STC2: variants seen among roughly 807,000 people sequenced by gnomAD.
The protein encoded by STC2 is stanniocalcin 2, also known as stanniocalcin-2.
In STC2, 7 loss-of-function variants were observed where a neutral mutation model predicts 22.7. That is an observed-to-expected ratio of 0.31 (90% confidence interval 0.18 to 0.58). STC2 has a LOEUF of 0.58. Ranked by LOEUF, STC2 falls within the 20% of genes least tolerant of loss-of-function variation. STC2 has a pLI of 0.89. For missense variants in STC2, 336 were observed against 406.2 expected, an observed-to-expected ratio of 0.83 and a Z score of 1.48; for synonymous variants, 158 against 163.4, an observed-to-expected ratio of 0.97 and a Z score of 0.25.
In STC2 at chr5:173,317,757, C is replaced by A; in HGVS notation, c.*90G>T. The A allele has an allele frequency of 1.4e-6, 2 of 1,448,982 alleles. No homozygotes were observed. Among genetic ancestry groups the A allele is most frequent in the Non-Finnish European group, 1.8e-6 (2 of 1,087,754 alleles). 89.8% of individuals were successfully genotyped at this position (1,448,982 alleles called of 1,614,324 possible). On this transcript the variant is annotated 3_prime_UTR_variant, in exon 4 of 4. Coordinates refer to ENST00000265087, the MANE Select transcript of STC2 (RefSeq NM_003714.3). ...CCCCACAGAATCCTGCGTGTGACAT[C>A]CCCCCTCTCTAATGGTAAATGTTTT...
rs1156246996 is a variant in STC2 at position 173,328,047 on chromosome 5, A to G, written c.147T>C (p.Asn49=). Residue 49 remains asparagine, a synonymous_variant, in exon 1 of 4, where the codon AAT becomes AAC. Transcript: ENST00000265087. ...SQQKGRLSLQ[N]TAEIQHCLVN... ...TGCGGGGGCACATGCACTTACCTGT[A>G]TTCTGCAGGGACAGGCGGCCTTTCT... 1.9e-6 allele frequency: 3 copies of G among 1,574,010 alleles called. No individual in the cohort carries two copies. Among genetic ancestry groups the G allele is most frequent in the Non-Finnish European group, 2.6e-6 (3 of 1,160,518 alleles).
Position 173,323,542 on chromosome 5 carries a change from G to C in STC2, c.295-112C>G, listed in dbSNP as rs1409609192. ...CTTACACAGGATATTTCTGACATCA[G>C]AACCCCAAGGCCCCACCAGAGACGG... On this transcript the variant is annotated intron_variant, in intron 2 of 3. Coordinates refer to ENST00000265087, the MANE Select transcript of STC2 (RefSeq NM_003714.3). The surrounding 1 kb of genome is among the most constrained non-coding windows in gnomAD (Gnocchi z 5.4). 9.5e-7 allele frequency: 1 copy of C among 1,053,548 alleles called. No homozygotes were observed. The highest frequency in any genetic ancestry group is 1.4e-6 in the Non-Finnish European group (1 of 721,364). 65.3% of individuals were successfully genotyped at this position (1,053,548 alleles called of 1,614,324 possible). A position where few individuals can be genotyped will look rare whatever the true frequency, so the allele number is the denominator to read the frequency against.
At chr5:173,321,914 C>A (rs1406277026) in intron 3 of STC2, among the ~76,000 whole-genome samples, 2 of 152,224 alleles carry the variant, frequency 1.3e-5, no homozygotes, top group African/African-American at 4.8e-5. Context: ...TTTTGTAAGG[C>A]GTTAGCCTAA....
Position 173,328,319 on chromosome 5 carries a change from C to T in STC2, c.-126G>A. ...CTCTTCCTTTTTGCTCGCCTTTTCC[C>T]TCCTCCTCGCGGCCGCGGCTCGGAT... On this transcript the variant is annotated 5_prime_UTR_variant, in exon 1 of 4. Transcript: ENST00000265087. 9.0e-7 allele frequency: 1 copy of T among 1,114,574 alleles called. No homozygotes were observed. The highest frequency in any genetic ancestry group is 1.2e-6 in the Non-Finnish European group (1 of 837,226). 69.0% of individuals were successfully genotyped at this position (1,114,574 alleles called of 1,614,324 possible). A position where few individuals can be genotyped will look rare whatever the true frequency, so the allele number is the denominator to read the frequency against.
At position 173,326,012 on chromosome 5, in the gene STC2, TA is replaced by T. The variant is rs779025975; in HGVS notation, c.152-3del. On this transcript the variant is annotated splice_polypyrimidine_tract_variant and splice_region_variant and intron_variant, in intron 1 of 3. Transcript: ENST00000265087. ...TGACCAAACAGTGCTGGATCTCCGC[TA>T]AAAGGAAAATCACATACAAATATAT... 3.1e-6 allele frequency: 5 copies of T among 1,613,960 alleles called. No individual in the cohort carries two copies. The Admixed American group carries it at 5.0e-5, about 16-fold the overall frequency.
chr5:173,321,530 C>T (rs1762485229), intron 3 of STC2, among the ~76,000 whole-genome samples: 1 of 152,176 alleles, frequency 6.6e-6, no homozygotes, highest in African/African-American at 2.4e-5. Context: ...ACAAGAAGCC[C>T]ACCACATGTG....
Position 173,317,120 on chromosome 5 carries a change from A to T in STC2, c.*727T>A, listed in dbSNP as rs921644178. On this transcript the variant is annotated 3_prime_UTR_variant, in exon 4 of 4. Transcript: ENST00000265087. ...GATATGTAGATATAACTGGATAAAT[A>T]AAAAAAGTGAAATCGAGATTTGAAG... The T allele has an allele frequency of 6.6e-6, 1 of 152,476 alleles. No individual in the cohort carries two copies. Among genetic ancestry groups the T allele is most frequent in the African/African-American group, 2.4e-5 (1 of 41,386 alleles). 9.4% of individuals were successfully genotyped at this position (152,476 alleles called of 1,614,324 possible).
intron 1 of STC2, among the ~76,000 whole-genome samples, chr5:173,327,409 C>T (rs1268210607): frequency 6.6e-6 from 1 of 152,250 alleles, no homozygotes; most frequent in Non-Finnish European, 1.5e-5. Flanking sequence ...GCGCACGGTT[C>T]GGGTCGTGTC....
chr5:173,326,122 A>G (rs1762543687), intron 1 of STC2, 112 bp from the exon 2 acceptor site: 2 of 1,279,102 alleles, frequency 1.6e-6, no homozygotes, highest in Admixed American at 4.3e-5. Flanking sequence ...AAGGAGGAAA[A>G]AAGACTTAGT....
In STC2 at chr5:173,315,875, G is replaced by T. The variant is rs547404327; in HGVS notation, c.*1972C>A. ...TGGGTGCCCAGGGAGCCCGGTGGCG[G>T]GGGCTGGAGGTGGGGTTTCCTCCCT... On this transcript the variant is annotated 3_prime_UTR_variant, in exon 4 of 4. Coordinates refer to ENST00000265087, the MANE Select transcript of STC2 (RefSeq NM_003714.3). The T allele has an allele frequency of 6.6e-6, 1 of 152,422 alleles. No individual in the cohort carries two copies. Among genetic ancestry groups the T allele is most frequent in the African/African-American group, 2.4e-5 (1 of 41,590 alleles). The allele number at this position is 152,422 out of a possible 1,614,324, so 9.4% of individuals were successfully genotyped here.
intron 3 of STC2, among the ~76,000 whole-genome samples, chr5:173,321,116 T>G (rs1762479447): frequency 6.7e-6 from 1 of 148,910 alleles, no homozygotes; most frequent in African/African-American, 2.5e-5. Flanking sequence ...CAGGCTGGGG[T>G]GGGGGGTCAT....
In STC2 at chr5:173,323,245, G is replaced by C; in HGVS notation, c.480C>G (p.Ile160Met). 6 of 1,614,194 alleles carry C rather than the reference G, an allele frequency of 3.7e-6. No individual in the cohort carries two copies. Among genetic ancestry groups the C allele is most frequent in the Non-Finnish European group, 5.1e-6 (6 of 1,180,040 alleles). ...CGTGCAGCAGCAAGTCCTTGAAATG[G>C]ATCATCTCCACTATCACCCGGGTGT... ...QENTRVIVEM[I>M]HFKDLLLHEP... Residue 160 changes from isoleucine (I) to methionine (M), a missense_variant, in exon 3 of 4, where the codon ATC becomes ATG. Around this residue, in one of 3 missense-constraint regions of STC2, gnomAD observed 215 missense variants for 231.5 expected, o/e 0.93. Transcript: ENST00000265087. This position sits in a 1 kb window ranked among gnomAD's most constrained non-coding sequence, Gnocchi z 5.4.
chr5:173,325,080 T>A lies in STC2; in HGVS notation c.294+788A>T, dbSNP rs1373839930. On this transcript the variant is annotated intron_variant, in intron 2 of 3. Transcript: ENST00000265087. This position sits in a 1 kb window ranked among gnomAD's most constrained non-coding sequence, Gnocchi z 4.7. ...TGATGGCCACCTCCAAATGTTGGCA[T>A]TGCTCTCCAATGAAGCAGGAGAGAC... 6.6e-6 allele frequency among the ~76,000 whole-genome samples: 1 copy of A among 152,220 alleles called. No homozygotes were observed. Among genetic ancestry groups the A allele is most frequent in the Non-Finnish European group, 1.5e-5 (1 of 68,038 alleles).
rs1432851126 is a variant in STC2 at position 173,325,762 on chromosome 5, C to T, written c.294+106G>A. The T allele has an allele frequency of 6.5e-5, 98 of 1,516,760 alleles. No homozygotes were observed. Among genetic ancestry groups the T allele is most frequent in the Non-Finnish European group, 8.8e-5 (97 of 1,106,892 alleles). 94.0% of individuals were successfully genotyped at this position (1,516,760 alleles called of 1,614,324 possible). A position where few individuals can be genotyped will look rare whatever the true frequency, so the allele number is the denominator to read the frequency against. On this transcript the variant is annotated intron_variant, in intron 2 of 3. Transcript: ENST00000265087. The surrounding 1 kb of genome is among the most constrained non-coding windows in gnomAD (Gnocchi z 4.7). ...ACTGTCGCTTGCAAGCACTAAAACA[C>T]ACCACAAGGAACAGCAAAGGAAGTT... is the stretch of plus-strand genomic sequence containing the variant.
Position 173,328,041 on chromosome 5 carries a change from A to G in STC2, c.151+2T>C. The G allele has an allele frequency of 6.4e-7, 1 of 1,557,792 alleles. No individual in the cohort carries two copies. Among genetic ancestry groups the G allele is most frequent in the Admixed American group, 1.9e-5 (1 of 53,416 alleles). On this transcript the variant is annotated splice_donor_variant, in intron 1 of 3. Transcript: ENST00000265087. LOFTEE classifies it high-confidence loss of function. The stretch of plus-strand genomic sequence containing the variant: ...CCCGGCTGCGGGGGCACATGCACTT[A>G]CCTGTATTCTGCAGGGACAGGCGGC...
rs1326306837 is a variant in STC2 at position 173,325,755 on chromosome 5, T to G, written c.294+113A>C. On this transcript the variant is annotated intron_variant, in intron 2 of 3. Coordinates refer to ENST00000265087, the MANE Select transcript of STC2 (RefSeq NM_003714.3). This position sits in a 1 kb window ranked among gnomAD's most constrained non-coding sequence, Gnocchi z 4.7. The stretch of plus-strand genomic sequence containing the variant: ...TACCTAGACTGTCGCTTGCAAGCAC[T>G]AAAACACACCACAAGGAACAGCAAA... 100 of 1,490,858 alleles carry G rather than the reference T, an allele frequency of 6.7e-5. No individual in the cohort carries two copies. The highest frequency in any genetic ancestry group is 9.1e-5 in the Non-Finnish European group (99 of 1,085,796). 92.4% of individuals were successfully genotyped at this position (1,490,858 alleles called of 1,614,324 possible). A position where few individuals can be genotyped will look rare whatever the true frequency, so the allele number is the denominator to read the frequency against.
At chr5:173,319,536 C>T (rs3756530) in intron 3 of STC2, among the ~76,000 whole-genome samples, 16,283 of 152,278 alleles carry the variant, frequency 0.11, 1,881 homozygotes, top group African/African-American at 0.29. Flanking sequence ...AGAGAGGCTG[C>T]GTTACAGCCC....
Position 173,317,925 on chromosome 5 carries a change from C to T in STC2, c.831G>A (p.Gly277=), listed in dbSNP as rs143605909. The T allele has an allele frequency of 1.9e-6, 3 of 1,613,348 alleles. No homozygotes were observed. Among genetic ancestry groups the T allele is most frequent in the Non-Finnish European group, 1.7e-6 (2 of 1,179,718 alleles). ...HPNAHARGRV[G]GLGAQGPSGS... ...CGGAAGGTCCCTGAGCCCCAAGGCC[C>T]CCGACTCTGCCTCGGGCATGGGCGT... is the stretch of plus-strand genomic sequence containing the variant. Residue 277 remains glycine, a synonymous_variant, in exon 4 of 4, where the codon GGG becomes GGA. Transcript: ENST00000265087.
chr5:173,319,253 A>G (rs1218050887), intron 3 of STC2, among the ~76,000 whole-genome samples: 1 of 152,232 alleles, frequency 6.6e-6, no homozygotes, highest in Non-Finnish European at 1.5e-5. Flanking sequence ...CCCATCTGGT[A>G]AAGAGTGTCC....
Sources: gnomAD v4.1 joint callset for allele counts (sites outside exome capture counted in the v4.1 genomes callset) on GRCh38, gnomAD v4.1.1 for gene constraint, gnomAD v4.1.1 regional missense constraint, Gnocchi (gnomAD v3.1) non-coding constraint, MANE v1.5 for transcripts, NCBI Gene and HGNC (gene_info 2026-07-23, HGNC 2026-07-21) for gene names.